Variants in GLE1 observed in about 807,000 individuals in gnomAD.
The protein encoded by GLE1 is GLE1 RNA export mediator.
GLE1 carries 78 observed loss-of-function variants against 97.3 expected under a neutral mutation model. The ratio of observed to expected loss-of-function variants is 0.80; its 90% CI spans 0.67 to 0.97. GLE1 has a LOEUF of 0.97. GLE1 is among the 50% of genes least tolerant of loss of function. GLE1 has a pLI of 0.00. For missense variants in GLE1, 753 were observed against 857.5 expected, an observed-to-expected ratio of 0.88 and a Z score of 1.52; for synonymous variants, 302 against 313.4, an observed-to-expected ratio of 0.96 and a Z score of 0.39.
intron 2 of GLE1, among the ~76,000 whole-genome samples, chr9:128,514,979 C>T (rs566648285): frequency 1.6e-3 from 237 of 150,908 alleles, no homozygotes; most frequent in Non-Finnish European, 2.9e-3. Context: ...TGCCACCACG[C>T]CTGGCTAATT....
intron 3 of GLE1, among the ~76,000 whole-genome samples, chr9:128,520,318 ATGTATATGTGTGTATATG>A (rs1217592722): frequency 2.0e-5 from 3 of 148,436 alleles, no homozygotes; most frequent in African/African-American, 7.4e-5. Context: ...ATGTGTATAT[ATGTATATGTGTGTATATG>A]TGTATATGTG....
intron 3 of GLE1, among the ~76,000 whole-genome samples, chr9:128,517,288 T>TA (rs1847016655): frequency 6.7e-6 from 1 of 148,774 alleles, no homozygotes; most frequent in African/African-American, 2.5e-5. Context: ...ATACTTTATC[T>TA]CAAAAAAAAA....
At chr9:128,515,279 CAAAA>C (rs1025800659) in intron 2 of GLE1, among the ~76,000 whole-genome samples, 11 of 151,336 alleles carry the variant, frequency 7.3e-5, no homozygotes, top group African/African-American at 2.7e-4. Context: ...ACAAACAAGT[CAAAA>C]AAAACATAGA....
intron 2 of GLE1, among the ~76,000 whole-genome samples, chr9:128,513,865 A>C (rs1846897799): frequency 6.6e-6 from 1 of 151,826 alleles, no homozygotes; most frequent in Non-Finnish European, 1.5e-5. Flanking sequence ...AAATACAAAA[A>C]AAATTATCCT....
intron 3 of GLE1, among the ~76,000 whole-genome samples, chr9:128,520,637 G>A (rs779014686): frequency 5.5e-4 from 84 of 151,834 alleles, no homozygotes; most frequent in Non-Finnish European, 9.1e-4. Flanking sequence ...TCTGCAGTTC[G>A]GCTGGTAGAT....
At chr9:128,523,486 T>C in intron 5 of GLE1, 106 bp from the exon 6 acceptor site, 1 of 1,465,448 alleles carries the variant, frequency 6.8e-7, no homozygotes, top group Non-Finnish European at 9.6e-7. Flanking sequence ...CTCTTCCTGC[T>C]CTGAGCCCAT....
At chr9:128,514,872 A>G (rs968838530) in intron 2 of GLE1, among the ~76,000 whole-genome samples, 2 of 151,414 alleles carry the variant, frequency 1.3e-5, no homozygotes, top group Admixed American at 6.6e-5. Flanking sequence ...GCTGGAGTGC[A>G]GTGGCGCGAT....
At chr9:128,537,434 CAA>C (rs1396365356) in intron 12 of GLE1, among the ~76,000 whole-genome samples, 5 of 89,692 alleles carry the variant, frequency 5.6e-5, no homozygotes, top group Admixed American at 4.8e-4. Context: ...GCCTGGGCAA[CAA>C]GAGCAAAACT....
rs1014738076 is a variant in GLE1 at position 128,540,191 on chromosome 9, A to G, written c.1965-84A>G. 13 of 949,598 alleles carry G rather than the reference A, an allele frequency of 1.4e-5. No individual in the cohort carries two copies. In the African/African-American group the frequency reaches 1.9e-4, roughly 14 times the overall value. The allele number at this position is 949,598 out of a possible 1,614,324, so 58.8% of individuals were successfully genotyped here. ...TGATCGCACCACCGCGCTGCACTCC[A>G]GCCTAGGTGACAGAGTGAGACACCG... On this transcript the variant is annotated intron_variant, in intron 14 of 15. Coordinates refer to ENST00000309971, the MANE Select transcript of GLE1 (RefSeq NM_001003722.2).
At chr9:128,534,591 CT>C (rs1847636151) in intron 11 of GLE1, among the ~76,000 whole-genome samples, 1 of 152,090 alleles carries the variant, frequency 6.6e-6, no homozygotes, top group Admixed American at 6.6e-5. Flanking sequence ...GTAATGACAT[CT>C]ATTACCTCCT....
chr9:128,520,603 C>T (rs192865414), intron 3 of GLE1, among the ~76,000 whole-genome samples: 1 of 151,872 alleles, frequency 6.6e-6, no homozygotes, highest in East Asian at 1.9e-4. Context: ...CTATATGAGT[C>T]GTGGCATTTC....
At chr9:128,515,893 T>C (rs1846971971) in intron 3 of GLE1, among the ~76,000 whole-genome samples, 1 of 152,196 alleles carries the variant, frequency 6.6e-6, no homozygotes, top group South Asian at 2.1e-4. Context: ...TTCTCCAAAA[T>C]TTGGAAATGG....
At position 128,535,683 on chromosome 9, in the gene GLE1, G is replaced by A. The variant is rs1397850796; in HGVS notation, c.1647-672G>A. Among the ~76,000 whole-genome samples the A allele has an allele frequency of 5.9e-5, 9 of 152,142 alleles. No individual in the cohort carries two copies. The South Asian group carries it at 1.9e-3, about 32-fold the overall frequency. On this transcript the variant is annotated intron_variant, in intron 11 of 15. Transcript: ENST00000309971. Reference sequence around the variant, plus strand: ...TAAAAATACAAAAAATTAGCCAGGTGTGGTGGCAGGTGCCTTAATCACAGC... The same window carrying A: ...TAAAAATACAAAAAATTAGCCAGGTATGGTGGCAGGTGCCTTAATCACAGC...
intron 9 of GLE1, among the ~76,000 whole-genome samples, chr9:128,528,381 G>A (rs1435105335): frequency 1.4e-5 from 2 of 147,418 alleles, no homozygotes; most frequent in Non-Finnish European, 3.0e-5. Flanking sequence ...TCGGCTCACT[G>A]CAAGCTCTGC....
intron 6 of GLE1, among the ~76,000 whole-genome samples, chr9:128,524,632 A>G (rs1045409065): frequency 1.5e-5 from 2 of 132,864 alleles, no homozygotes; most frequent in East Asian, 2.2e-4. Context: ...GCTCACTTCA[A>G]CCTCCGGCTT....
At position 128,504,778 on chromosome 9, in the gene GLE1, C is replaced by T. The variant is rs765244969; in HGVS notation, c.-28C>T. 8 of 1,414,478 alleles carry T rather than the reference C, an allele frequency of 5.7e-6. No individual in the cohort carries two copies. The highest frequency in any genetic ancestry group is 1.8e-4 in the Middle Eastern group (1 of 5,680). The allele number at this position is 1,414,478 out of a possible 1,614,324, so 87.6% of individuals were successfully genotyped here. ...AGGGCTTGTTTGGTCAGAAGGGGGGCGTCAGAGAAGCTGCCCCTTAGCCAA... is the reference window on the plus strand; with the variant it reads ...AGGGCTTGTTTGGTCAGAAGGGGGGTGTCAGAGAAGCTGCCCCTTAGCCAA... On this transcript the variant is annotated 5_prime_UTR_variant, in exon 1 of 16. Transcript: ENST00000309971.
Position 128,522,383 on chromosome 9 carries a change from G to A in GLE1, c.433-285G>A, listed in dbSNP as rs117846436. ...AGGTGTTAAACATTTTCGGCCGGGCGAGGTGGCTCACGCCTGTAATCCGAG... is the reference window on the plus strand; with the variant it reads ...AGGTGTTAAACATTTTCGGCCGGGCAAGGTGGCTCACGCCTGTAATCCGAG... On this transcript the variant is annotated intron_variant, in intron 3 of 15. Transcript: ENST00000309971. Among the ~76,000 whole-genome samples the A allele has an allele frequency of 9.6e-3, 1,459 of 152,270 alleles. 32 individuals are homozygous for A. Among genetic ancestry groups the A allele is most frequent in the East Asian group, 0.074 (380 of 5,166 alleles).
At chr9:128,541,041 TA>T (rs1412256231) in intron 15 of GLE1, 60 bp from the exon 16 acceptor site, 1 of 927,348 alleles carries the variant, frequency 1.1e-6, no homozygotes, top group African/African-American at 1.6e-5. Context: ...TTTTAACCAT[TA>T]AGTGTTGGGA....
At chr9:128,521,113 G>T (rs1847139370) in intron 3 of GLE1, among the ~76,000 whole-genome samples, 2 of 152,102 alleles carry the variant, frequency 1.3e-5, no homozygotes, top group African/African-American at 4.8e-5. Context: ...TTCCCTGCTG[G>T]TGACATCTCT....
Sources: allele counts gnomAD v4.1 joint callset (sites outside exome capture counted in the v4.1 genomes callset), GRCh38; gene constraint gnomAD v4.1.1; transcripts MANE v1.5; gene names NCBI Gene and HGNC (gene_info 2026-07-23, HGNC 2026-07-21).